C14orf39: variants seen among roughly 807,000 people sequenced by gnomAD.
The protein encoded by C14orf39 is chromosome 14 open reading frame 39, also known as protein SIX6OS1.
In C14orf39, 66 loss-of-function variants were observed where a neutral mutation model predicts 85.6. That is an observed-to-expected ratio of 0.77 (90% CI 0.63 to 0.95). The LOEUF is 0.95. Ranked by LOEUF, C14orf39 falls within the 40% of genes least tolerant of loss-of-function variation. C14orf39 has a pLI of 0.00. For synonymous variants in C14orf39, 242 were observed against 214.0 expected, an observed-to-expected ratio of 1.13 and a Z score of -1.14; for missense variants, 735 against 663.9, an observed-to-expected ratio of 1.11 and a Z score of -1.18.
At chr14:60,466,784 G>T in intron 10 of C14orf39, 133 bp downstream of exon 10, 2 of 528,302 alleles carry the variant, frequency 3.8e-6, no homozygotes, top group Non-Finnish European at 5.7e-6. Flanking sequence ...ATTCAAAGCA[G>T]TACTCTCTTG....
intron 1 of C14orf39, among the ~76,000 whole-genome samples, chr14:60,507,998 T>A (rs1893228674): frequency 2.0e-5 from 3 of 152,052 alleles, no homozygotes; most frequent in Admixed American, 1.3e-4. Context: ...TGGGAATCAA[T>A]AAAAGTTGCC....
chr14:60,482,014 T>C (rs1229053446), intron 4 of C14orf39, among the ~76,000 whole-genome samples: 14 of 152,238 alleles, frequency 9.2e-5, no homozygotes. Context: ...TCAAAGATTA[T>C]ATAGCACTTA....
intron 9 of C14orf39, among the ~76,000 whole-genome samples, chr14:60,467,496 T>G (rs1156360543): frequency 6.6e-6 from 1 of 151,878 alleles, no homozygotes; most frequent in Non-Finnish European, 1.5e-5. Context: ...ACTGAAAGAA[T>G]AGTTTTCACT....
At chr14:60,453,697 A>G (rs991173370) in intron 16 of C14orf39, among the ~76,000 whole-genome samples, 1 of 151,458 alleles carries the variant, frequency 6.6e-6, no homozygotes, top group African/African-American at 2.4e-5. Flanking sequence ...ATTTTTCAAT[A>G]TTTTCCTGAT....
Position 60,461,503 on chromosome 14 carries a change from G to T in C14orf39, c.1058+5C>A, listed in dbSNP as rs1202927914. The T allele has an allele frequency of 6.3e-7, 1 of 1,586,758 alleles. No homozygotes were observed. The highest frequency in any genetic ancestry group is 2.2e-5 in the East Asian group (1 of 44,488). On this transcript the variant is annotated splice_donor_5th_base_variant and intron_variant, in intron 12 of 17. Transcript: ENST00000321731. The stretch of plus-strand genomic sequence containing the variant: ...TTAAAGCATTTTCTTATTTTAAAAA[G>T]TTACCTGACTTGCATAAACTTTTGT...
At chr14:60,466,395 T>G (rs1214916804) in intron 10 of C14orf39, among the ~76,000 whole-genome samples, 1 of 151,864 alleles carries the variant, frequency 6.6e-6, no homozygotes, top group Non-Finnish European at 1.5e-5. Flanking sequence ...TAATCATGAT[T>G]TTTGCCATTA....
intron 1 of C14orf39, among the ~76,000 whole-genome samples, chr14:60,501,871 C>T (rs1317647515): frequency 6.6e-6 from 1 of 152,088 alleles, no homozygotes; most frequent in Non-Finnish European, 1.5e-5. Context: ...GATAGTTGCC[C>T]ACAAGAGGGG....
In C14orf39 at chr14:60,436,359, AATT is replaced by A. The variant is rs1300572459; in HGVS notation, c.*483_*485del. 1 of 152,110 alleles carries A rather than the reference AATT, an allele frequency of 6.6e-6. No homozygotes were observed. Among genetic ancestry groups the A allele is most frequent in the African/African-American group, 2.4e-5 (1 of 41,432 alleles). 9.4% of individuals were successfully genotyped at this position (152,110 alleles called of 1,614,324 possible). A position where few individuals can be genotyped will look rare whatever the true frequency, so the allele number is the denominator to read the frequency against. ...TTTGTTATTAACATAAATTATTTGA[AATT>A]ATTATTACAGTACCACTCTGTATAC... On this transcript the variant is annotated 3_prime_UTR_variant, in exon 18 of 18. Transcript: ENST00000321731.
chr14:60,509,195 G>GAACCCC (rs1893250352), intron 1 of C14orf39: 1 of 596,198 alleles, frequency 1.7e-6, no homozygotes, highest in African/African-American at 1.9e-5. Flanking sequence ...AGCCGAGCCC[G>GAACCCC]AACCCCAAGC....
At chr14:60,511,200 C>T (rs1450117500) in intron 1 of C14orf39, 2 of 1,613,180 alleles carry the variant, frequency 1.2e-6, no homozygotes, top group Middle Eastern at 1.6e-4. Context: ...TCCAGCAAGG[C>T]GGCCACTTCA....
At chr14:60,508,327 G>A (rs572030014) in intron 1 of C14orf39, among the ~76,000 whole-genome samples, 3 of 152,110 alleles carry the variant, frequency 2.0e-5, no homozygotes, top group East Asian at 3.9e-4. Flanking sequence ...ATGACTTCTC[G>A]GCTCTAGATG....
upstream of C14orf39, among the ~76,000 whole-genome samples, chr14:60,486,509 G>T (rs1243187836): frequency 1.3e-5 from 2 of 152,080 alleles, no homozygotes; most frequent in Non-Finnish European, 2.9e-5. Flanking sequence ...TAGTTGAATG[G>T]ACATTTTGAG....
intron 16 of C14orf39, among the ~76,000 whole-genome samples, chr14:60,449,414 T>C (rs1890936113): frequency 6.6e-6 from 1 of 152,228 alleles, no homozygotes. Flanking sequence ...TATTAATTTG[T>C]AGTCTATCAT....
rs375854118 is a variant in C14orf39, at chr14:60,480,814, G to C, written c.234-2425C>G. 1.1e-4 allele frequency among the ~76,000 whole-genome samples: 16 copies of C among 152,192 alleles called. No individual in the cohort carries two copies. In the South Asian group the frequency reaches 3.1e-3, roughly 30 times the overall value. ...TCTGTCATTCAAGACAACATAAATG[G>C]AACTAAAGGATGTTATGCTAAGTGA... On this transcript the variant is annotated intron_variant, in intron 4 of 17. Transcript: ENST00000321731.
chr14:60,511,141 C>T, intron 1 of C14orf39: 1 of 1,612,848 alleles, frequency 6.2e-7, no homozygotes, highest in Non-Finnish European at 8.5e-7. Context: ...CGGAGGGCGA[C>T]GGCACGCCAG....
intron 1 of C14orf39, among the ~76,000 whole-genome samples, chr14:60,504,930 T>C (rs1260094857): frequency 1.3e-5 from 2 of 152,212 alleles, no homozygotes; most frequent in Admixed American, 6.5e-5. Context: ...CACTGTGAAG[T>C]AGCACATTGT....
At chr14:60,485,680 C>T (rs1044657478) in intron 1 of C14orf39, among the ~76,000 whole-genome samples, 1 of 152,180 alleles carries the variant, frequency 6.6e-6, no homozygotes, top group Non-Finnish European at 1.5e-5. Flanking sequence ...ACAGCCCGTG[C>T]GCCTCCCGCA....
intron 17 of C14orf39, among the ~76,000 whole-genome samples, chr14:60,440,833 G>C (rs1027388552): frequency 2.6e-5 from 4 of 152,044 alleles, no homozygotes. Context: ...AACATACTGA[G>C]TATGTTCCCA....
chr14:60,494,184 A>C, intron 2 of C14orf39: 1 of 281,822 alleles, frequency 3.5e-6, no homozygotes, highest in Non-Finnish European at 7.2e-6. Flanking sequence ...TTCCATTCAT[A>C]TCTAACATCC....
Sources: gnomAD v4.1 joint callset for allele counts (sites outside exome capture counted in the v4.1 genomes callset) on GRCh38, gnomAD v4.1.1 for gene constraint, MANE v1.5 for transcripts, NCBI Gene and HGNC (gene_info 2026-07-23, HGNC 2026-07-21) for gene names.